The following AKAP19 variants were observed in gnomAD, a reference collection of about 807,000 sequenced individuals.
AKAP19 encodes small A-kinase anchoring protein.
chr2:190,147,539 A>C, the AKAP19 span, among the ~76,000 whole-genome samples: 5 of 152,086 alleles, frequency 3.3e-5, no homozygotes, highest in Admixed American at 6.6e-5. Flanking sequence ...GTGAAGAACG[A>C]TGGTGGTATT....
the AKAP19 span, among the ~76,000 whole-genome samples, chr2:189,931,583 C>T: frequency 6.6e-6 from 1 of 152,048 alleles, no homozygotes; most frequent in East Asian, 1.9e-4. Flanking sequence ...CCAGGCTGGT[C>T]TCGAACTCCT....
At chr2:190,170,842 G>T in the AKAP19 span, among the ~76,000 whole-genome samples, 2 of 152,298 alleles carry the variant, frequency 1.3e-5, no homozygotes, top group African/African-American at 4.8e-5. Context: ...GATCAGGCTG[G>T]TTGGGAGTCT....
At chr2:189,901,603 G>T in the AKAP19 span, among the ~76,000 whole-genome samples, 1 of 152,152 alleles carries the variant, frequency 6.6e-6, no homozygotes, top group Non-Finnish European at 1.5e-5. Context: ...CTCCCAAAGT[G>T]CTGGGATTAC....
chr2:190,006,866 A>C, the AKAP19 span, among the ~76,000 whole-genome samples: 2 of 150,950 alleles, frequency 1.3e-5, no homozygotes, highest in African/African-American at 4.9e-5. Flanking sequence ...AAAATACAAA[A>C]AAAATTAGCC....
At chr2:190,005,763 A>G in the AKAP19 span, among the ~76,000 whole-genome samples, 30 of 152,356 alleles carry the variant, frequency 2.0e-4, no homozygotes, top group Non-Finnish European at 1.5e-5. Flanking sequence ...TTGTAAATGC[A>G]AATGGCAAGC....
At chr2:190,072,570 A>C in the AKAP19 span, among the ~76,000 whole-genome samples, 3 of 152,214 alleles carry the variant, frequency 2.0e-5, no homozygotes, top group African/African-American at 7.2e-5. Context: ...ATGAAAAATC[A>C]ATCTTATTTT....
the AKAP19 span, among the ~76,000 whole-genome samples, chr2:190,170,604 A>C: frequency 1.3e-5 from 2 of 152,306 alleles, no homozygotes; most frequent in African/African-American, 4.8e-5. Flanking sequence ...ACCAGGACCC[A>C]AAGATGGACT....
At chr2:190,007,529 T>C in the AKAP19 span, among the ~76,000 whole-genome samples, 3 of 152,286 alleles carry the variant, frequency 2.0e-5, no homozygotes, top group Admixed American at 1.3e-4. Context: ...TTTAGATATA[T>C]GGTAGAATGG....
the AKAP19 span, among the ~76,000 whole-genome samples, chr2:189,973,738 C>T: frequency 6.6e-6 from 1 of 152,142 alleles, no homozygotes; most frequent in African/African-American, 2.4e-5. Flanking sequence ...AGGAATTTAT[C>T]CCTTTCTTCT....
chr2:190,013,542 G>A, the AKAP19 span, among the ~76,000 whole-genome samples: 4 of 151,710 alleles, frequency 2.6e-5, no homozygotes, highest in Admixed American at 6.6e-5. Flanking sequence ...TTGAGATGGA[G>A]TCTCGCTCTG....
At chr2:190,038,707 G>A in the AKAP19 span, among the ~76,000 whole-genome samples, 7 of 152,106 alleles carry the variant, frequency 4.6e-5, no homozygotes, top group African/African-American at 1.4e-4. Flanking sequence ...ATACTAGGTG[G>A]TGCTTTTTCT....
At chr2:189,923,851 T>C in the AKAP19 span, 25 of 1,610,826 alleles carry the variant, frequency 1.6e-5, no homozygotes, top group Admixed American at 3.8e-4. Context: ...CTTCCAAGTC[T>C]GGAAAGTTGA....
chr2:189,881,973 G>A, the AKAP19 span, among the ~76,000 whole-genome samples: 2 of 152,174 alleles, frequency 1.3e-5, no homozygotes, highest in African/African-American at 4.8e-5. Context: ...TTTTTACATA[G>A]GCTTTTAAAT....
chr2:190,195,996 T>C, the AKAP19 span, among the ~76,000 whole-genome samples: 1 of 149,150 alleles, frequency 6.7e-6, no homozygotes, highest in Non-Finnish European at 1.5e-5. Flanking sequence ...CCAGCACTCG[T>C]TGAAAAGACT....
the AKAP19 span, among the ~76,000 whole-genome samples, chr2:189,969,903 A>G: frequency 8.6e-6 from 1 of 116,122 alleles, no homozygotes; most frequent in Non-Finnish European, 1.6e-5. Flanking sequence ...ACAGGGTCTC[A>G]CTCTGGTTGC....
the AKAP19 span, among the ~76,000 whole-genome samples, chr2:190,083,903 G>T: frequency 6.6e-6 from 1 of 152,086 alleles, no homozygotes; most frequent in African/African-American, 2.4e-5. Flanking sequence ...GCTTGTTGAA[G>T]TCACACAGCG....
the AKAP19 span, among the ~76,000 whole-genome samples, chr2:189,968,020 C>T: frequency 1.3e-5 from 2 of 151,854 alleles, no homozygotes; most frequent in Non-Finnish European, 2.9e-5. Context: ...TAAATTTGCA[C>T]GTTGTGTGGA....
the AKAP19 span, chr2:190,200,477 C>CTTTA: frequency 4.7e-6 from 1 of 214,644 alleles, no homozygotes. Context: ...CCCCAAATTC[C>CTTTA]AATGGTTGAA....
chr2:189,902,271 GT>G, the AKAP19 span, among the ~76,000 whole-genome samples: 4 of 151,018 alleles, frequency 2.6e-5, no homozygotes, highest in African/African-American at 9.7e-5. Context: ...TATCCTATCT[GT>G]TTTTTTTCCT....
Sources: gnomAD v4.1 joint callset for allele counts (sites outside exome capture counted in the v4.1 genomes callset) on GRCh38, gnomAD v4.1.1 for gene constraint, MANE v1.5 for transcripts, NCBI Gene and HGNC (gene_info 2026-07-23, HGNC 2026-07-21) for gene names.